Variants in KIF16B observed in about 807,000 individuals in gnomAD.
KIF16B encodes the protein kinesin-like protein KIF16B.
In KIF16B, 98 loss-of-function variants were observed where a neutral mutation model predicts 156.3. The ratio of observed to expected loss-of-function variants is 0.63; its 90% CI spans 0.53 to 0.74. The LOEUF (loss-of-function observed/expected upper bound fraction) is 0.74, where lower values mean the gene tolerates loss of function less well. Ranked by LOEUF, KIF16B falls within the 30% of genes least tolerant of loss-of-function variation. KIF16B has a pLI of 0.00. For synonymous variants in KIF16B, 564 were observed against 583.7 expected (o/e 0.97, Z 0.49); for missense variants, 1,421 against 1,606.5 (o/e 0.88, Z 1.97).
Position 16,374,237 on chromosome 20 carries a change from A to AGAT in KIF16B, c.3350+19_3350+20insATC. The AGAT allele has an allele frequency of 1.3e-6, 2 of 1,517,298 alleles. No individual in the cohort carries two copies. The highest frequency in any genetic ancestry group is 1.8e-6 in the Non-Finnish European group (2 of 1,129,022). The allele number at this position is 1,517,298 out of a possible 1,614,324, so 94.0% of individuals were successfully genotyped here. On this transcript the variant is annotated intron_variant, in intron 20 of 25. Coordinates refer to ENST00000354981, the MANE Select transcript of KIF16B (RefSeq NM_024704.5). Reference sequence around the variant, plus strand: ...AGTCACATCAAATGAGAAGCCTGGAATCACTTTCATGTCCAGTACCTGGCA... The same window carrying AGAT: ...AGTCACATCAAATGAGAAGCCTGGAAGATTCACTTTCATGTCCAGTACCTGGCA...
chr20:16,417,960 G>A (rs1198238107), intron 15 of KIF16B, among the ~76,000 whole-genome samples: 2 of 151,736 alleles, frequency 1.3e-5, no homozygotes, highest in Admixed American at 1.3e-4. Context: ...TATAGTGCGG[G>A]GGAAAAAAAA....
intron 2 of KIF16B, 29 bp downstream of exon 2, chr20:16,528,342 A>G: frequency 1.9e-6 from 3 of 1,577,008 alleles, no homozygotes; most frequent in Middle Eastern, 1.7e-4. Context: ...GGGCTCTTGG[A>G]ACTTAAGCAA....
Position 16,539,446 on chromosome 20 carries a change from G to A in KIF16B, c.48-11006C>T, listed in dbSNP as rs116403745. ...CATTGTGTCCATGCCCTAGAGATCT[G>A]TGGGAGTTTAAACTTGAGCGTGATG... On this transcript the variant is annotated intron_variant, in intron 1 of 25. Transcript: ENST00000354981. 1.7e-3 allele frequency among the ~76,000 whole-genome samples: 262 copies of A among 152,336 alleles called. 1 individual carries two copies. Among genetic ancestry groups the A allele is most frequent in the African/African-American group, 6.0e-3 (251 of 41,578 alleles).
Position 16,382,593 on chromosome 20 carries a change from A to T in KIF16B, c.1785-846T>A, listed in dbSNP as rs574563601. On this transcript the variant is annotated intron_variant, in intron 17 of 25. Coordinates refer to ENST00000354981, the MANE Select transcript of KIF16B (RefSeq NM_024704.5). Reference sequence around the variant, plus strand: ...TTAGGTCATTGGGAATTTTAAAACAACTCACTAAAATAATAACACAAGCTG... The same window carrying T: ...TTAGGTCATTGGGAATTTTAAAACATCTCACTAAAATAATAACACAAGCTG... Among the ~76,000 whole-genome samples the T allele has an allele frequency of 3.3e-5, 5 of 152,316 alleles. No homozygotes were observed. The South Asian group carries it at 1.0e-3, about 32-fold the overall frequency.
rs778060225 is a variant in KIF16B, at chr20:16,304,503, A to C, written c.3795+7832T>G. 1.2e-4 allele frequency among the ~76,000 whole-genome samples: 19 copies of C among 152,200 alleles called. 1 individual carries two copies. Among genetic ancestry groups the C allele is most frequent in the Non-Finnish European group, 2.6e-4 (18 of 68,038 alleles). ...ACCTTTCAAAAATGCTTTGCTGCTG[A>C]TGATAGTGGTAATGGACTAATAACA... On this transcript the variant is annotated intron_variant, in intron 25 of 25. Coordinates refer to ENST00000354981, the MANE Select transcript of KIF16B (RefSeq NM_024704.5).
Position 16,378,859 on chromosome 20 carries a change from C to T in KIF16B, c.3143G>A (p.Gly1048Glu). 6.2e-7 allele frequency: 1 copy of T among 1,614,048 alleles called. No individual in the cohort carries two copies. Among genetic ancestry groups the T allele is most frequent in the East Asian group, 2.2e-5 (1 of 44,854 alleles). The change falls in exon 19 of 26, where the codon GGG becomes GAG. Residue 1048 changes from glycine to glutamate, a missense_variant. Coordinates refer to ENST00000354981, the MANE Select transcript of KIF16B (RefSeq NM_024704.5). ...SLNSGSREQS[G>E]LQASLEAEQE... is the part of the protein sequence containing the mutation. ...CTCAGCCTCCAGGCTAGCCTGGAGC[C>T]CTGACTGCTCTCTGCTGCCACTGTT...
intron 23 of KIF16B, among the ~76,000 whole-genome samples, chr20:16,336,959 T>C (rs1266879904): frequency 6.6e-6 from 1 of 152,198 alleles, no homozygotes; most frequent in Admixed American, 6.5e-5. Flanking sequence ...ACATCTGCCC[T>C]CTCCAATCTC....
chr20:16,384,410 C>G (rs1172679513), intron 17 of KIF16B, among the ~76,000 whole-genome samples: 1 of 152,122 alleles, frequency 6.6e-6, no homozygotes, highest in African/African-American at 2.4e-5. Context: ...CATTCTTTCT[C>G]TTGCATGATA....
intron 15 of KIF16B, among the ~76,000 whole-genome samples, chr20:16,423,677 G>A (rs908369066): frequency 3.3e-5 from 5 of 152,012 alleles, no homozygotes; most frequent in African/African-American, 7.2e-5. Flanking sequence ...TACTGTGTAC[G>A]TTCCTCTCTC....
At chr20:16,437,674 C>T (rs181717911) in intron 12 of KIF16B, among the ~76,000 whole-genome samples, 1 of 152,162 alleles carries the variant, frequency 6.6e-6, no homozygotes, top group East Asian at 1.9e-4. Flanking sequence ...CTGATAGATG[C>T]CAAAAGATTT....
chr20:16,508,788 C>T (rs949919332), intron 6 of KIF16B, among the ~76,000 whole-genome samples: 3 of 152,208 alleles, frequency 2.0e-5, no homozygotes, highest in African/African-American at 7.2e-5. Context: ...ACCTCATTCA[C>T]ATTAGTCATA....
chr20:16,291,361 T>C (rs2063312636), intron 25 of KIF16B, among the ~76,000 whole-genome samples: 1 of 152,084 alleles, frequency 6.6e-6, no homozygotes, highest in Non-Finnish European at 1.5e-5. Flanking sequence ...AGACAAAAAA[T>C]GAAGAATGGT....
chr20:16,517,523 C>T (rs2069181746), intron 3 of KIF16B, among the ~76,000 whole-genome samples: 1 of 152,216 alleles, frequency 6.6e-6, no homozygotes, highest in South Asian at 2.1e-4. Context: ...AGTCAGGTAA[C>T]TGGGAACACA....
intron 17 of KIF16B, among the ~76,000 whole-genome samples, chr20:16,404,246 T>G (rs2065725711): frequency 6.6e-6 from 1 of 152,166 alleles, no homozygotes; most frequent in Non-Finnish European, 1.5e-5. Flanking sequence ...GTTCCCTGTT[T>G]TTAGGCATTT....
At chr20:16,515,800 C>T in intron 3 of KIF16B, 136 bp from the exon 4 acceptor site, 1 of 557,570 alleles carries the variant, frequency 1.8e-6, no homozygotes, top group South Asian at 2.5e-5. Flanking sequence ...ACTGCAGAAC[C>T]ATTCACAACA....
chr20:16,355,756 T>C (rs1229218998), intron 23 of KIF16B, among the ~76,000 whole-genome samples: 1 of 152,112 alleles, frequency 6.6e-6, no homozygotes, highest in Non-Finnish European at 1.5e-5. Context: ...TCCTGAAAAG[T>C]TGTATAAATC....
intron 25 of KIF16B, among the ~76,000 whole-genome samples, chr20:16,295,516 T>C (rs2063372704): frequency 6.7e-6 from 1 of 150,350 alleles, no homozygotes; most frequent in Non-Finnish European, 1.5e-5. Flanking sequence ...TATAATCTAC[T>C]GACACTTAAA....
In KIF16B at chr20:16,505,835, G is replaced by A. The variant is rs767232673; in HGVS notation, c.887C>T (p.Ala296Val). The change falls in exon 9 of 26, where the codon GCT becomes GTT. Residue 296 changes from alanine to valine, a missense_variant. Transcript: ENST00000354981. Reference protein sequence around the residue: ...ISALADLSQDAANTLAKKKQV... With the variant: ...ISALADLSQDVANTLAKKKQV... ...CTTCTTCTTTGCAAGAGTATTTGCA[G>A]CATCCTGAGATAAATCAGCTATGAA... is the stretch of plus-strand genomic sequence containing the variant. The A allele has an allele frequency of 1.9e-6, 3 of 1,613,936 alleles. No individual in the cohort carries two copies. Among genetic ancestry groups the A allele is most frequent in the Non-Finnish European group, 1.7e-6 (2 of 1,179,918 alleles).
intron 12 of KIF16B, among the ~76,000 whole-genome samples, chr20:16,467,465 G>A (rs983633042): frequency 6.6e-6 from 1 of 152,126 alleles, no homozygotes; most frequent in African/African-American, 2.4e-5. Flanking sequence ...AATTATGTCA[G>A]GAAGGTTGGA....
Sources: allele counts gnomAD v4.1 joint callset (sites outside exome capture counted in the v4.1 genomes callset), GRCh38; gene constraint gnomAD v4.1.1; transcripts MANE v1.5; gene names NCBI Gene and HGNC (gene_info 2026-07-23, HGNC 2026-07-21).